KIAA1217: variants seen among roughly 807,000 people sequenced by gnomAD.
The protein encoded by KIAA1217 is sickle tail protein homolog.
Under a neutral mutation model 163.9 loss-of-function variants are expected in KIAA1217, and 88 were observed. The observed-to-expected ratio is 0.54, with a 90% CI of 0.45 to 0.64. The LOEUF (loss-of-function observed/expected upper bound fraction) is 0.64, where lower values mean the gene tolerates loss of function less well. KIAA1217 is among the 30% of genes least tolerant of loss of function. The pLI is 0.00. For missense variants in KIAA1217, 2,372 were observed against 2,475.0 expected (o/e 0.96, Z 0.88); for synonymous variants, 903 against 923.1 (o/e 0.98, Z 0.39).
chr10:24,358,630 A>T (rs1276429318), intron 2 of KIAA1217, among the ~76,000 whole-genome samples: 1 of 152,256 alleles, frequency 6.6e-6, no homozygotes, highest in African/African-American at 2.4e-5. Context: ...AAAATTGAAG[A>T]TCAATGACTG....
chr10:24,523,916 G>A (rs1336182600), intron 12 of KIAA1217, among the ~76,000 whole-genome samples: 1 of 152,230 alleles, frequency 6.6e-6, no homozygotes, highest in Non-Finnish European at 1.5e-5. Flanking sequence ...GGGGAAGCCA[G>A]TGAGCAACAG....
At chr10:24,300,668 A>G (rs773801170) in intron 2 of KIAA1217, among the ~76,000 whole-genome samples, 1 of 152,122 alleles carries the variant, frequency 6.6e-6, no homozygotes, top group Non-Finnish European at 1.5e-5. Flanking sequence ...CCTGGGTTCA[A>G]GCAATTCTCC....
chr10:24,299,573 ATT>A (rs1178876962), intron 2 of KIAA1217, among the ~76,000 whole-genome samples: 2 of 151,884 alleles, frequency 1.3e-5, no homozygotes, highest in Non-Finnish European at 2.9e-5. Context: ...TAATTTTTTA[ATT>A]TTTTTGTAGA....
chr10:24,082,087 G>A (rs541988482), intron 2 of KIAA1217, among the ~76,000 whole-genome samples: 1 of 152,266 alleles, frequency 6.6e-6, no homozygotes, highest in Admixed American at 6.5e-5. Flanking sequence ...GCTGCTGAAG[G>A]TGATAGTGCT....
At chr10:24,231,095 A>G (rs929571340) in intron 2 of KIAA1217, among the ~76,000 whole-genome samples, 1 of 152,180 alleles carries the variant, frequency 6.6e-6, no homozygotes, top group African/African-American at 2.4e-5. Context: ...TCATCCTGCA[A>G]TGGATGAAGT....
chr10:23,822,907 C>A (rs1010276114), intron 1 of KIAA1217, among the ~76,000 whole-genome samples: 12 of 152,132 alleles, frequency 7.9e-5, no homozygotes, highest in Non-Finnish European at 1.5e-4. Context: ...AGCACATATA[C>A]CATATGTCTA....
At chr10:24,417,740 C>T (rs1188466437) in intron 3 of KIAA1217, among the ~76,000 whole-genome samples, 2 of 152,080 alleles carry the variant, frequency 1.3e-5, no homozygotes, top group Non-Finnish European at 2.9e-5. Flanking sequence ...TCTAAGCATC[C>T]CACATTTACT....
upstream of KIAA1217, among the ~76,000 whole-genome samples, chr10:24,207,282 TCACACACA>T (rs71397934): frequency 9.3e-5 from 13 of 140,164 alleles, no homozygotes; most frequent in East Asian, 2.1e-4. Context: ...TCTCTCTCTC[TCACACACA>T]CACACACACA....
Position 23,832,251 on chromosome 10 carries a change from C to T in KIAA1217, c.-321+137017C>T, listed in dbSNP as rs562121344. Among the ~76,000 whole-genome samples the T allele has an allele frequency of 2.6e-5, 4 of 152,286 alleles. No homozygotes were observed. The East Asian group carries it at 7.7e-4, about 29-fold the overall frequency. ...GGATGTCTCACAGAACTCAGGGAAA[C>T]ACAATTACTGGTCTATTATAAAGAT... On this transcript the variant is annotated intron_variant, in intron 1 of 18. Coordinates refer to the KIAA1217 transcript ENST00000376462.
chr10:24,345,683 A>C (rs1052748619), intron 2 of KIAA1217, among the ~76,000 whole-genome samples: 6 of 152,196 alleles, frequency 3.9e-5, no homozygotes, highest in Admixed American at 3.3e-4. Context: ...TTCCTTATAT[A>C]GTTAGATACT....
At chr10:23,777,576 T>A (rs937802885) in intron 1 of KIAA1217, among the ~76,000 whole-genome samples, 1 of 152,218 alleles carries the variant, frequency 6.6e-6, no homozygotes, top group Non-Finnish European at 1.5e-5. Flanking sequence ...TCTCTGCTTA[T>A]GTGACTTAGG....
At chr10:24,079,290 C>T (rs896343688) in intron 2 of KIAA1217, among the ~76,000 whole-genome samples, 2 of 152,158 alleles carry the variant, frequency 1.3e-5, no homozygotes, top group Non-Finnish European at 2.9e-5. Context: ...AGTAGAGGCT[C>T]AGCATCAGGG....
intron 2 of KIAA1217, among the ~76,000 whole-genome samples, chr10:24,274,722 A>G (rs1470043725): frequency 6.6e-6 from 1 of 152,116 alleles, no homozygotes; most frequent in African/African-American, 2.4e-5. Flanking sequence ...ATCAACAAAA[A>G]TCCTTATTTT....
At chr10:23,969,264 G>C (rs951902792) in intron 1 of KIAA1217, among the ~76,000 whole-genome samples, 1 of 152,146 alleles carries the variant, frequency 6.6e-6, no homozygotes, top group African/African-American at 2.4e-5. Flanking sequence ...TTAAACTCCC[G>C]ACCTTTGGTC....
chr10:24,367,864 G>A (rs2051005447), intron 2 of KIAA1217, among the ~76,000 whole-genome samples: 1 of 152,226 alleles, frequency 6.6e-6, no homozygotes, highest in African/African-American at 2.4e-5. Context: ...GAGAAGTTAA[G>A]TAACTTGCCC....
intron 2 of KIAA1217, among the ~76,000 whole-genome samples, chr10:24,075,900 A>G (rs1423223369): frequency 1.3e-5 from 2 of 152,116 alleles, no homozygotes; most frequent in Non-Finnish European, 2.9e-5. Context: ...CACGACTCCC[A>G]GCCTTAATCT....
chr10:24,131,932 C>A (rs570393782), intron 2 of KIAA1217, among the ~76,000 whole-genome samples: 2 of 152,322 alleles, frequency 1.3e-5, no homozygotes. Flanking sequence ...TAAACAATCT[C>A]CACGTTTCAG....
chr10:24,329,977 A>G (rs1015104311), intron 2 of KIAA1217, among the ~76,000 whole-genome samples: 1 of 152,162 alleles, frequency 6.6e-6, no homozygotes, highest in Non-Finnish European at 1.5e-5. Context: ...TAATTTACCT[A>G]AGGATTCAAA....
At chr10:24,180,634 T>C (rs1222871316) in intron 2 of KIAA1217, among the ~76,000 whole-genome samples, 2 of 152,168 alleles carry the variant, frequency 1.3e-5, no homozygotes, top group Admixed American at 6.5e-5. Context: ...TTTGTTTTCC[T>C]ATTTCAGTGT....
Sources: allele counts gnomAD v4.1 joint callset (sites outside exome capture counted in the v4.1 genomes callset), GRCh38; gene constraint gnomAD v4.1.1; transcripts MANE v1.5; gene names NCBI Gene and HGNC (gene_info 2026-07-23, HGNC 2026-07-21).